The following RPL35 variants were observed in gnomAD, a reference collection of about 807,000 sequenced individuals.
RPL35 encodes large ribosomal subunit protein uL29.
Under a neutral mutation model 15.6 loss-of-function variants are expected in RPL35, and 2 were observed. The ratio of observed to expected loss-of-function variants is 0.13; its 90% CI spans 0.05 to 0.40. RPL35 has a LOEUF of 0.40. RPL35 is among the 10% of genes least tolerant of loss of function. The probability of loss-of-function intolerance (pLI) is 0.99; values close to 1 mark genes in which losing one functional copy is unlikely to be tolerated. For missense variants in RPL35, 111 were observed against 164.7 expected (o/e 0.67, Z 1.79); for synonymous variants, 93 against 67.9 (o/e 1.37, Z -1.82).
intron 3 of RPL35, 99 bp from the exon 4 acceptor site, chr9:124,858,166 G>A: frequency 8.0e-7 from 1 of 1,250,698 alleles, no homozygotes; most frequent in Non-Finnish European, 1.1e-6. Flanking sequence ...CCACTCAGGA[G>A]GAGGCTGCCA....
At position 124,860,173 on chromosome 9, in the gene RPL35, G is replaced by A. The variant is rs751807245; in HGVS notation, c.222+10C>T. On this transcript the variant is annotated intron_variant, in intron 3 of 3. Transcript: ENST00000348462. ...TGCAGCCAACCCTCCCTATGTCCAG[G>A]CAGACTCACCTTGTAGAATTTCCTG... 3.7e-6 allele frequency: 6 copies of A among 1,605,352 alleles called. No homozygotes were observed. The highest frequency in any genetic ancestry group is 4.3e-6 in the Non-Finnish European group (5 of 1,172,116).
chr9:124,861,877 C>T lies in RPL35; in HGVS notation c.3+33G>A, dbSNP rs755656561. ...CTTCCCCAACCCCCGCGCCTCACAG[C>T]GCTCGGATGGCGCCCGATTCCGCAG... is the stretch of plus-strand genomic sequence containing the variant. On this transcript the variant is annotated intron_variant, in intron 1 of 3. Coordinates refer to ENST00000348462, the MANE Select transcript of RPL35 (RefSeq NM_007209.4). 3.1e-6 allele frequency: 5 copies of T among 1,601,820 alleles called. No homozygotes were observed. In the Admixed American group the frequency reaches 6.8e-5, roughly 22 times the overall value.
At chr9:124,858,289 T>C (rs1829139051) in intron 3 of RPL35, 1 of 616,354 alleles carries the variant, frequency 1.6e-6, no homozygotes, top group Non-Finnish European at 2.9e-6. Context: ...CTGGGCTGAG[T>C]GTCCAAGTCT....
chr9:124,861,332 CCTT>C (rs1829193443), intron 2 of RPL35, 84 bp downstream of exon 2: 5 of 1,532,258 alleles, frequency 3.3e-6, no homozygotes. Flanking sequence ...GCGGCCAGCT[CCTT>C]AAGCCAACTT....
intron 3 of RPL35, chr9:124,858,533 G>A: frequency 1.4e-6 from 1 of 715,476 alleles, no homozygotes; most frequent in Non-Finnish European, 2.6e-6. Flanking sequence ...CCCACCAGCT[G>A]CTGCCTGTAT....
intron 3 of RPL35, 64 bp from the exon 4 acceptor site, chr9:124,858,131 G>C: frequency 1.9e-6 from 3 of 1,560,506 alleles, no homozygotes; most frequent in Non-Finnish European, 2.6e-6. Flanking sequence ...CAGCAGCTAA[G>C]GGGGCTGGGG....
Position 124,861,946 on chromosome 9 carries a change from C to T in RPL35, c.-34G>A. 2 of 1,596,688 alleles carry T rather than the reference C, an allele frequency of 1.3e-6. No individual in the cohort carries two copies. Among genetic ancestry groups the T allele is most frequent in the Non-Finnish European group, 1.7e-6 (2 of 1,172,546 alleles). On this transcript the variant is annotated 5_prime_UTR_variant, in exon 1 of 4. Coordinates refer to ENST00000348462, the MANE Select transcript of RPL35 (RefSeq NM_007209.4). ...AAGCCGCCAACGCCGCCGCCCGCTC[C>T]GAGGGAAAGAGGAAGTAGGCGGGGC...
chr9:124,860,356 TC>T, intron 2 of RPL35, 92 bp from the exon 3 acceptor site: 1 of 1,041,442 alleles, frequency 9.6e-7, no homozygotes, highest in Non-Finnish European at 1.5e-6. Context: ...AGCTGCAGCC[TC>T]CCCCATCAAC....
intron 2 of RPL35, chr9:124,861,112 G>A (rs1246600130): frequency 2.9e-6 from 1 of 348,390 alleles, no homozygotes; most frequent in Non-Finnish European, 5.3e-6. Context: ...GCCACTCCAG[G>A]GTGCAAGCCA....
At chr9:124,861,354 T>C in intron 2 of RPL35, 65 bp downstream of exon 2, 1 of 1,558,754 alleles carries the variant, frequency 6.4e-7, no homozygotes. Flanking sequence ...TTTGAAATCC[T>C]CCGACGATCC....
At position 124,861,934 on chromosome 9, in the gene RPL35, C is replaced by G; in HGVS notation, c.-22G>C. ...CCATTGCTGCACAAGCCGCCAACGCCGCCGCCCGCTCCGAGGGAAAGAGGA... is the reference window on the plus strand; with the variant it reads ...CCATTGCTGCACAAGCCGCCAACGCGGCCGCCCGCTCCGAGGGAAAGAGGA... On this transcript the variant is annotated 5_prime_UTR_variant, in exon 1 of 4. Transcript: ENST00000348462. The G allele has an allele frequency of 1.3e-6, 2 of 1,599,180 alleles. No individual in the cohort carries two copies. Among genetic ancestry groups the G allele is most frequent in the South Asian group, 2.2e-5 (2 of 89,182 alleles).
chr9:124,857,891 A>C lies in RPL35; in HGVS notation c.*27T>G. The stretch of plus-strand genomic sequence containing the variant: ...GCCAGGAAACAAAGCAGTCTCAGCC[A>C]GCTGTGCTTTATTGACAATGCGCCC... On this transcript the variant is annotated 3_prime_UTR_variant, in exon 4 of 4. Coordinates refer to ENST00000348462, the MANE Select transcript of RPL35 (RefSeq NM_007209.4). 1 of 1,608,850 alleles carries C rather than the reference A, an allele frequency of 6.2e-7. No homozygotes were observed. The highest frequency in any genetic ancestry group is 2.2e-5 in the East Asian group (1 of 44,770).
chr9:124,861,581 AG>A, intron 1 of RPL35, 26 bp from the exon 2 acceptor site: 6 of 1,611,278 alleles, frequency 3.7e-6, no homozygotes, highest in Non-Finnish European at 4.2e-6. Flanking sequence ...AGTGTGCCTC[AG>A]CCAGGCCGCG....
intron 3 of RPL35, chr9:124,858,405 A>T (rs1431347232): frequency 1.4e-6 from 1 of 695,068 alleles, no homozygotes; most frequent in African/African-American, 1.8e-5. Flanking sequence ...TCACATGACA[A>T]CCTAGTACAG....
intron 2 of RPL35, among the ~76,000 whole-genome samples, chr9:124,860,693 G>A (rs1030985744): frequency 2.0e-5 from 3 of 152,180 alleles, no homozygotes; most frequent in Non-Finnish European, 4.4e-5. Context: ...ACGAGCCAGG[G>A]AGAAGTTATT....
intron 1 of RPL35, 35 bp from the exon 2 acceptor site, chr9:124,861,590 G>A: frequency 6.2e-7 from 1 of 1,608,938 alleles, no homozygotes; most frequent in Non-Finnish European, 8.5e-7. Flanking sequence ...CAGCCAGGCC[G>A]CGGGGCCATA....
Position 124,861,436 on chromosome 9 carries a change from G to A in RPL35, c.123C>T (p.Ala41=). The change falls in exon 2 of 4, where the codon GCC becomes GCT. Residue 41 remains alanine, a synonymous_variant. Transcript: ENST00000348462. ...LRVAKVTGGA[A]SKLSKIRVVR... ...TCACTTACATCTTAGAGAGCTTGGA[G>A]GCCGCACCGCCTGTCACTTTGGCGA... is the stretch of plus-strand genomic sequence containing the variant. 1.9e-6 allele frequency: 3 copies of A among 1,613,374 alleles called. No individual in the cohort carries two copies. Among genetic ancestry groups the A allele is most frequent in the Non-Finnish European group, 2.5e-6 (3 of 1,179,872 alleles).
chr9:124,858,588 C>A (rs970444990), intron 3 of RPL35: 7 of 698,144 alleles, frequency 1.0e-5, no homozygotes, highest in Middle Eastern at 2.8e-4. Flanking sequence ...CCACTTGCCC[C>A]ACCTGCTTCC....
At chr9:124,861,322 G>A (rs1398414155) in intron 2 of RPL35, 97 bp downstream of exon 2, 1 of 1,473,934 alleles carries the variant, frequency 6.8e-7, no homozygotes, top group Admixed American at 2.0e-5. Flanking sequence ...GGGCATCTAA[G>A]CGGCCAGCTC....
Sources: allele counts gnomAD v4.1 joint callset (sites outside exome capture counted in the v4.1 genomes callset), GRCh38; gene constraint gnomAD v4.1.1; transcripts MANE v1.5; gene names NCBI Gene and HGNC (gene_info 2026-07-23, HGNC 2026-07-21).